CCDC178: variants seen among roughly 807,000 people sequenced by gnomAD.
CCDC178 encodes coiled-coil domain-containing protein 178.
In CCDC178, 126 loss-of-function variants were observed where a neutral mutation model predicts 117.4. The ratio of observed to expected loss-of-function variants is 1.07; its 90% confidence interval spans 0.93 to 1.24. The LOEUF (loss-of-function observed/expected upper bound fraction) is 1.24. Ranked by LOEUF, CCDC178 falls within the 50% of genes most tolerant of loss-of-function variation. CCDC178 has a pLI of 0.00. For synonymous variants in CCDC178, 283 were observed against 313.4 expected (o/e 0.90, Z 1.02); for missense variants, 1,030 against 986.9 (o/e 1.04, Z -0.59).
At chr18:33,434,912 G>A (rs886349726) in intron 2 of CCDC178, among the ~76,000 whole-genome samples, 5 of 151,934 alleles carry the variant, frequency 3.3e-5, no homozygotes, top group Non-Finnish European at 7.4e-5. Context: ...CAAATTTTCC[G>A]CTAATTTTCA....
At chr18:33,128,954 A>C (rs1183613294) in intron 20 of CCDC178, among the ~76,000 whole-genome samples, 1 of 152,188 alleles carries the variant, frequency 6.6e-6, no homozygotes, top group African/African-American at 2.4e-5. Flanking sequence ...CAACTGCCGT[A>C]AACAACTTTT....
At chr18:33,073,866 C>T (rs950679876) in intron 21 of CCDC178, among the ~76,000 whole-genome samples, 3 of 152,106 alleles carry the variant, frequency 2.0e-5, no homozygotes, top group African/African-American at 2.4e-5. Flanking sequence ...TAAGGGACAA[C>T]TTTAGCAGCT....
chr18:33,126,625 T>A (rs2058007914), intron 20 of CCDC178, among the ~76,000 whole-genome samples: 1 of 151,820 alleles, frequency 6.6e-6, no homozygotes, highest in Non-Finnish European at 1.5e-5. Context: ...GTATGCGTGG[T>A]TTTCATGTCT....
At chr18:33,098,120 C>A (rs529635977) in intron 20 of CCDC178, among the ~76,000 whole-genome samples, 106 of 151,940 alleles carry the variant, frequency 7.0e-4, no homozygotes, top group African/African-American at 2.3e-3. Flanking sequence ...TTTTTAAAAT[C>A]AAAGGTGGAC....
At position 33,164,451 on chromosome 18, in the gene CCDC178, G is replaced by A. The variant is rs116594453; in HGVS notation, c.2238+47445C>T. 5.3e-3 allele frequency among the ~76,000 whole-genome samples: 811 copies of A among 152,090 alleles called. 9 individuals carry two copies. The highest frequency in any genetic ancestry group is 0.019 in the African/African-American group (775 of 41,496). On this transcript the variant is annotated intron_variant, in intron 20 of 22. Transcript: ENST00000383096. ...GTATTCTTAAAAATTATTAAGAAAC[G>A]CAAAAGGCTTTTGATTGTATAGGTT...
At chr18:33,125,018 G>C (rs990646669) in intron 20 of CCDC178, among the ~76,000 whole-genome samples, 3 of 152,052 alleles carry the variant, frequency 2.0e-5, no homozygotes, top group Non-Finnish European at 4.4e-5. Context: ...GCACACATTT[G>C]CTTGATGCTA....
intron 5 of CCDC178, among the ~76,000 whole-genome samples, chr18:33,382,949 G>C (rs2063454208): frequency 6.6e-6 from 1 of 152,202 alleles, no homozygotes. Flanking sequence ...CAGCACAACA[G>C]TCTGGAGTTG....
At chr18:33,171,834 T>C (rs1397182421) in intron 20 of CCDC178, among the ~76,000 whole-genome samples, 3 of 152,228 alleles carry the variant, frequency 2.0e-5, no homozygotes, top group Non-Finnish European at 4.4e-5. Flanking sequence ...GAATTTGCTA[T>C]ATTTGCGAAA....
intron 11 of CCDC178, among the ~76,000 whole-genome samples, chr18:33,318,059 A>G (rs1306374074): frequency 6.6e-6 from 1 of 152,064 alleles, no homozygotes; most frequent in African/African-American, 2.4e-5. Flanking sequence ...TTGACTACCT[A>G]TTTCCGGAAA....
chr18:33,109,139 A>C (rs1453198622), intron 20 of CCDC178, among the ~76,000 whole-genome samples: 3 of 151,684 alleles, frequency 2.0e-5, no homozygotes, highest in African/African-American at 7.2e-5. Flanking sequence ...AAATACCTAC[A>C]TTACAGCTTT....
intron 18 of CCDC178, 65 bp from the exon 19 acceptor site, chr18:33,215,760 G>A (rs2059158429): frequency 1.1e-5 from 14 of 1,220,134 alleles, no homozygotes; most frequent in Non-Finnish European, 1.6e-5. Flanking sequence ...TGCTATTTAG[G>A]AACACAATTA....
intron 21 of CCDC178, among the ~76,000 whole-genome samples, chr18:33,032,776 G>A (rs1450771349): frequency 3.3e-5 from 5 of 151,968 alleles, no homozygotes; most frequent in Non-Finnish European, 5.9e-5. Context: ...AATTGACAGA[G>A]GAGAGACAAA....
At chr18:33,351,148 A>ATATGTGTGTGTG (rs1555690740) in intron 7 of CCDC178, among the ~76,000 whole-genome samples, 1 of 138,088 alleles carries the variant, frequency 7.2e-6, no homozygotes, top group African/African-American at 2.8e-5. Flanking sequence ...ACTGATCATG[A>ATATGTGTGTGTG]TGTGTGTGTG....
At chr18:33,238,397 T>TA (rs2059450450) in intron 15 of CCDC178, among the ~76,000 whole-genome samples, 1 of 151,990 alleles carries the variant, frequency 6.6e-6, no homozygotes, top group Non-Finnish European at 1.5e-5. Flanking sequence ...GATAGTTCAA[T>TA]AAAATCAGGA....
At chr18:33,106,470 C>T (rs1243036366) in intron 20 of CCDC178, among the ~76,000 whole-genome samples, 3 of 151,666 alleles carry the variant, frequency 2.0e-5, no homozygotes, top group Non-Finnish European at 4.4e-5. Context: ...CAGTCAGGCA[C>T]TGAAATTTTG....
At chr18:33,088,382 A>G (rs1326070102) in intron 21 of CCDC178, among the ~76,000 whole-genome samples, 1 of 152,066 alleles carries the variant, frequency 6.6e-6, no homozygotes, top group East Asian at 1.9e-4. Context: ...GAAATAATGG[A>G]TATCTTAACA....
chr18:33,186,833 G>T (rs185947675), intron 20 of CCDC178, among the ~76,000 whole-genome samples: 99 of 152,136 alleles, frequency 6.5e-4, no homozygotes, highest in African/African-American at 2.1e-3. Context: ...TATCAGATTT[G>T]GAAGGTGGAA....
chr18:32,990,344 C>T (rs577694593), intron 21 of CCDC178, among the ~76,000 whole-genome samples: 54 of 152,006 alleles, frequency 3.6e-4, no homozygotes, highest in African/African-American at 1.2e-3. Flanking sequence ...ATTTGCCCTG[C>T]GATATATCAA....
At chr18:33,420,003 T>C (rs912767649) in intron 2 of CCDC178, among the ~76,000 whole-genome samples, 4 of 152,070 alleles carry the variant, frequency 2.6e-5, no homozygotes, top group East Asian at 1.9e-4. Flanking sequence ...CGTATGTTCA[T>C]TGCAACACTA....
Sources: gnomAD v4.1 joint callset for allele counts (sites outside exome capture counted in the v4.1 genomes callset) on GRCh38, gnomAD v4.1.1 for gene constraint, MANE v1.5 for transcripts, NCBI Gene and HGNC (gene_info 2026-07-23, HGNC 2026-07-21) for gene names.